PRDM11: variants seen among roughly 807,000 people sequenced by gnomAD.
PRDM11 encodes the protein PR/SET domain 11, also known as PR domain-containing protein 11.
A neutral mutation model predicts 97.8 loss-of-function variants in PRDM11; 20 were observed. The observed-to-expected ratio is 0.20, with a 90% CI of 0.14 to 0.30. The LOEUF (loss-of-function observed/expected upper bound fraction) is 0.30, where lower values mean the gene tolerates loss of function less well. PRDM11 is among the 10% of genes least tolerant of loss of function. PRDM11 has a pLI of 1.00. For synonymous variants in PRDM11, 599 were observed against 637.7 expected (o/e 0.94, Z 0.91); for missense variants, 1,139 against 1,555.2 (o/e 0.73, Z 4.50).
At position 45,219,804 on chromosome 11, in the gene PRDM11, G is replaced by C. The variant is rs1010084465; in HGVS notation, c.742+47G>C. 6.4e-7 allele frequency: 1 copy of C among 1,569,042 alleles called. No individual in the cohort carries two copies. The highest frequency in any genetic ancestry group is 8.7e-7 in the Non-Finnish European group (1 of 1,154,980). On this transcript the variant is annotated intron_variant, in intron 6 of 7. Transcript: ENST00000683152. The surrounding 1 kb of genome is among the most constrained non-coding windows in gnomAD (Gnocchi z 4.2). ...AGCTGCGCCCACCTCTGAGCCCCAG[G>C]GGAGGCCTGGATAGCTTGTTTTGGA... is the stretch of plus-strand genomic sequence containing the variant.
chr11:45,128,627 T>C (rs1852644540), intron 1 of PRDM11, among the ~76,000 whole-genome samples: 1 of 151,842 alleles, frequency 6.6e-6, no homozygotes, highest in Non-Finnish European at 1.5e-5. Flanking sequence ...AAAAATACTG[T>C]AGTCTAATAT....
intron 1 of PRDM11, among the ~76,000 whole-genome samples, chr11:45,109,906 T>C (rs1470283951): frequency 3.3e-5 from 5 of 152,140 alleles, no homozygotes; most frequent in African/African-American, 1.2e-4. Context: ...CCCATTCCAG[T>C]GTCCAGGGTT....
chr11:45,217,935 T>A (rs1854005595), intron 5 of PRDM11, among the ~76,000 whole-genome samples: 1 of 152,234 alleles, frequency 6.6e-6, no homozygotes, highest in African/African-American at 2.4e-5. Context: ...GGGTTGTCAC[T>A]GTTAAAACAT....
intron 1 of PRDM11, among the ~76,000 whole-genome samples, chr11:45,122,376 C>CACATGTATACCATGTAT (rs1852454360): frequency 6.6e-6 from 1 of 151,658 alleles, no homozygotes; most frequent in Admixed American, 6.6e-5. Flanking sequence ...AGGTTTGTTA[C>CACATGTATACCATGTAT]ACATGTATAC....
intron 5 of PRDM11, among the ~76,000 whole-genome samples, chr11:45,217,016 C>T (rs985022561): frequency 6.6e-6 from 1 of 152,134 alleles, no homozygotes; most frequent in Non-Finnish European, 1.5e-5. Flanking sequence ...AATCATAGTG[C>T]TATGATTCAA....
At chr11:45,221,645 T>C (rs1490009887) in intron 6 of PRDM11, among the ~76,000 whole-genome samples, 1 of 149,930 alleles carries the variant, frequency 6.7e-6, no homozygotes, top group Non-Finnish European at 1.5e-5. Flanking sequence ...CTTTCTGGAG[T>C]GGTTCAAAGG....
At chr11:45,199,540 T>A (rs1224083621) in intron 4 of PRDM11, among the ~76,000 whole-genome samples, 1 of 152,244 alleles carries the variant, frequency 6.6e-6, no homozygotes, top group East Asian at 1.9e-4. Context: ...GTTATCAGCC[T>A]GGTTCCGGGT....
At chr11:45,160,876 C>T (rs1391056583) in intron 1 of PRDM11, among the ~76,000 whole-genome samples, 1 of 152,242 alleles carries the variant, frequency 6.6e-6, no homozygotes, top group Non-Finnish European at 1.5e-5. Flanking sequence ...CTCCTGGCCC[C>T]TGCTAGCCCT....
intron 4 of PRDM11, among the ~76,000 whole-genome samples, chr11:45,194,504 ATAG>A (rs1194239867): frequency 2.6e-5 from 4 of 152,076 alleles, no homozygotes; most frequent in Non-Finnish European, 5.9e-5. Flanking sequence ...AACAACAATA[ATAG>A]TAGTAACAAT....
At chr11:45,212,006 C>T (rs952976862) in intron 5 of PRDM11, among the ~76,000 whole-genome samples, 7 of 152,230 alleles carry the variant, frequency 4.6e-5, no homozygotes, top group Non-Finnish European at 7.3e-5. Flanking sequence ...TAGGCAGGTG[C>T]CGCTCCTTCA....
chr11:45,100,094 C>A lies in PRDM11; in HGVS notation c.96+4193C>A, dbSNP rs574255765. Reference sequence around the variant, plus strand: ...ATAAAATGGCATCATTTGGCAGATTCTGAATGCATCAACACATCCTACATC... The same window carrying A: ...ATAAAATGGCATCATTTGGCAGATTATGAATGCATCAACACATCCTACATC... On this transcript the variant is annotated intron_variant, in intron 1 of 6. Coordinates refer to the PRDM11 transcript ENST00000530656. Among the ~76,000 whole-genome samples, 28 of 152,238 alleles carry A rather than the reference C, an allele frequency of 1.8e-4. No individual in the cohort carries two copies. In the South Asian group the frequency reaches 5.8e-3, roughly 32 times the overall value.
At chr11:45,113,771 A>G (rs554974780) in intron 1 of PRDM11, among the ~76,000 whole-genome samples, 2 of 146,800 alleles carry the variant, frequency 1.4e-5, no homozygotes, top group Admixed American at 6.8e-5. Flanking sequence ...TTGTTGGTGT[A>G]TAAGAGTGCT....
At chr11:45,098,565 T>C (rs1426257456) in intron 1 of PRDM11, among the ~76,000 whole-genome samples, 1 of 152,096 alleles carries the variant, frequency 6.6e-6, no homozygotes, top group Non-Finnish European at 1.5e-5. Flanking sequence ...CTCGCACAGC[T>C]ATGAGGAGGC....
intron 1 of PRDM11, among the ~76,000 whole-genome samples, chr11:45,122,430 A>G (rs1489604279): frequency 1.3e-5 from 2 of 151,538 alleles, no homozygotes; most frequent in Admixed American, 6.6e-5. Context: ...ATGTTGGTGT[A>G]CTGCACCCAT....
At chr11:45,215,746 A>G (rs374692873) in intron 5 of PRDM11, 12 of 152,302 alleles carry the variant, frequency 7.9e-5, no homozygotes, top group Admixed American at 3.9e-4. Context: ...CCAGGTGACC[A>G]TCTGGTGGGT....
chr11:45,209,005 C>T (rs1481094585), intron 5 of PRDM11: 2 of 456,738 alleles, frequency 4.4e-6, no homozygotes, highest in Non-Finnish European at 8.8e-6. Context: ...CTGTCCCATG[C>T]TGACAGGGAC....
chr11:45,217,004 C>G (rs551269582), intron 5 of PRDM11, among the ~76,000 whole-genome samples: 2 of 152,194 alleles, frequency 1.3e-5, no homozygotes, highest in African/African-American at 4.8e-5. Context: ...ACAGTATTCT[C>G]CAATCATAGT....
intron 1 of PRDM11, among the ~76,000 whole-genome samples, chr11:45,179,636 G>C (rs1852418119): frequency 6.6e-6 from 1 of 152,160 alleles, no homozygotes; most frequent in South Asian, 2.1e-4. Flanking sequence ...TGGTGGAGAG[G>C]GCCCTGGTGT....
chr11:45,223,470 T>C (rs1214360921), intron 6 of PRDM11, among the ~76,000 whole-genome samples: 2 of 152,214 alleles, frequency 1.3e-5, no homozygotes, highest in Non-Finnish European at 2.9e-5. Flanking sequence ...TGAGGAGACA[T>C]GGCTATATTT....
Sources: gnomAD v4.1 joint callset for allele counts (sites outside exome capture counted in the v4.1 genomes callset) on GRCh38, gnomAD v4.1.1 for gene constraint, Gnocchi (gnomAD v3.1) non-coding constraint, MANE v1.5 for transcripts, NCBI Gene and HGNC (gene_info 2026-07-23, HGNC 2026-07-21) for gene names.